Variants in SNTG2 observed in about 807,000 individuals in gnomAD.
SNTG2 encodes the protein gamma-2-syntrophin.
In SNTG2, 74 loss-of-function variants were observed where a neutral mutation model predicts 70.9. The ratio of observed to expected loss-of-function variants is 1.04; its 90% confidence interval spans 0.86 to 1.27. The LOEUF is 1.27. Ranked by LOEUF, SNTG2 falls within the 50% of genes most tolerant of loss-of-function variation. SNTG2 has a pLI of 0.00. For missense variants in SNTG2, 717 were observed against 690.7 expected, an observed-to-expected ratio of 1.04 and a Z score of -0.43; for synonymous variants, 278 against 273.8, an observed-to-expected ratio of 1.02 and a Z score of -0.15.
intron 6 of SNTG2, among the ~76,000 whole-genome samples, chr2:1,162,750 G>A (rs539137936): frequency 2.6e-5 from 4 of 152,018 alleles, no homozygotes; most frequent in South Asian, 4.1e-4. Flanking sequence ...AGAAAATTCA[G>A]CTTTGGTAGT....
At chr2:967,394 C>T (rs187814698) in intron 1 of SNTG2, among the ~76,000 whole-genome samples, 52,058 of 151,884 alleles carry the variant, frequency 0.34, 9,643 homozygotes, top group Middle Eastern at 0.46. Context: ...AAGTTCCCTT[C>T]TCTTAGTTTA....
intron 1 of SNTG2, among the ~76,000 whole-genome samples, chr2:1,052,575 T>G (rs4428038): frequency 0.12 from 18,970 of 152,264 alleles, 1,365 homozygotes; most frequent in African/African-American, 0.19. Flanking sequence ...ATTTCTGCTC[T>G]TATTTCCTTT....
intron 1 of SNTG2, among the ~76,000 whole-genome samples, chr2:1,049,220 G>A (rs1661913575): frequency 1.3e-5 from 2 of 152,138 alleles, no homozygotes; most frequent in Admixed American, 1.3e-4. Context: ...TACAATCTAT[G>A]AGTCTGGACA....
intron 16 of SNTG2, among the ~76,000 whole-genome samples, chr2:1,328,991 T>C (rs1681878032): frequency 6.6e-6 from 1 of 152,086 alleles, no homozygotes; most frequent in African/African-American, 2.4e-5. Context: ...ACCCACACAC[T>C]TAATACTAGC....
intron 11 of SNTG2, among the ~76,000 whole-genome samples, chr2:1,244,934 TAAG>T (rs1289148712): frequency 6.6e-6 from 1 of 151,996 alleles, no homozygotes; most frequent in East Asian, 1.9e-4. Flanking sequence ...CCTCGCCTAA[TAAG>T]GCCATAAAAA....
chr2:977,091 T>A (rs1660929713), intron 1 of SNTG2, among the ~76,000 whole-genome samples: 1 of 152,136 alleles, frequency 6.6e-6, no homozygotes, highest in South Asian at 2.1e-4. Context: ...ACTGTTAATG[T>A]AGGTGATCCA....
intron 1 of SNTG2, among the ~76,000 whole-genome samples, chr2:1,037,599 G>A (rs1282760246): frequency 1.3e-5 from 2 of 151,776 alleles, no homozygotes; most frequent in South Asian, 2.1e-4. Flanking sequence ...ATCATAGGAC[G>A]TCTGGTGCTT....
chr2:1,256,435 C>T (rs9330328), intron 12 of SNTG2: 31,719 of 152,064 alleles, frequency 0.21, 4,514 homozygotes, highest in African/African-American at 0.4. Context: ...CTACAAGCTA[C>T]GCAGAACCTA....
chr2:1,233,381 G>C (rs761611155), intron 9 of SNTG2, among the ~76,000 whole-genome samples: 1 of 152,220 alleles, frequency 6.6e-6, no homozygotes, highest in Non-Finnish European at 1.5e-5. Flanking sequence ...GGTCAAATCT[G>C]TTGAGGTGTG....
At chr2:1,157,366 G>A (rs915199644) in intron 6 of SNTG2, among the ~76,000 whole-genome samples, 5 of 152,158 alleles carry the variant, frequency 3.3e-5, no homozygotes, top group Non-Finnish European at 4.4e-5. Flanking sequence ...CCCCGGCACC[G>A]CGGCTCGTGC....
chr2:1,259,159 ATT>A (rs1678282290), intron 12 of SNTG2, among the ~76,000 whole-genome samples: 1 of 152,358 alleles, frequency 6.6e-6, no homozygotes, highest in East Asian at 1.9e-4. Flanking sequence ...TAAAGGATCT[ATT>A]ATATTTGCCA....
chr2:1,017,334 C>T (rs995178419), intron 1 of SNTG2, among the ~76,000 whole-genome samples: 23 of 152,214 alleles, frequency 1.5e-4, no homozygotes, highest in African/African-American at 5.5e-4. Context: ...GGGGAATTCT[C>T]AAGTATATCT....
chr2:973,506 G>C (rs931699441), intron 1 of SNTG2, among the ~76,000 whole-genome samples: 4 of 151,226 alleles, frequency 2.6e-5, no homozygotes, highest in African/African-American at 7.3e-5. Flanking sequence ...TGGGCTTCTT[G>C]GGGGTGTGTG....
chr2:1,307,761 C>T (rs1202000109), intron 14 of SNTG2, among the ~76,000 whole-genome samples: 4 of 152,392 alleles, frequency 2.6e-5, no homozygotes, highest in Middle Eastern at 6.8e-3. Context: ...TTTCAACCAA[C>T]ATGGCTGCGA....
At chr2:951,441 C>A (rs532018538) in intron 1 of SNTG2, among the ~76,000 whole-genome samples, 7 of 152,146 alleles carry the variant, frequency 4.6e-5, no homozygotes, top group East Asian at 3.9e-4. Context: ...CGGGCCCAGG[C>A]GGTGGCTCGG....
intron 14 of SNTG2, among the ~76,000 whole-genome samples, chr2:1,282,966 G>A (rs1003311385): frequency 2.0e-5 from 3 of 152,136 alleles, no homozygotes; most frequent in African/African-American, 7.2e-5. Flanking sequence ...TAGCCAAAAG[G>A]CACAAAATAC....
At chr2:1,088,958 T>C (rs1664849968) in intron 2 of SNTG2, among the ~76,000 whole-genome samples, 1 of 152,170 alleles carries the variant, frequency 6.6e-6, no homozygotes, top group Admixed American at 6.6e-5. Flanking sequence ...ATAAACAAAC[T>C]GTAAGACACA....
At chr2:1,009,988 G>A (rs1258312672) in intron 1 of SNTG2, among the ~76,000 whole-genome samples, 1 of 152,188 alleles carries the variant, frequency 6.6e-6, no homozygotes, top group East Asian at 1.9e-4. Flanking sequence ...TTTGGGGGAA[G>A]GAGCAGTACT....
chr2:1,116,940 G>A (rs1400375036), intron 4 of SNTG2, among the ~76,000 whole-genome samples: 1 of 136,760 alleles, frequency 7.3e-6, no homozygotes. Context: ...GCGTGTGGGT[G>A]CCCTGGCGTG....
Sources: allele counts gnomAD v4.1 joint callset (sites outside exome capture counted in the v4.1 genomes callset), GRCh38; gene constraint gnomAD v4.1.1; transcripts MANE v1.5; gene names NCBI Gene and HGNC (gene_info 2026-07-23, HGNC 2026-07-21).